Variants in CD9 observed in about 807,000 individuals in gnomAD.
CD9 encodes CD9 antigen.
A neutral mutation model predicts 31.4 loss-of-function variants in CD9; 10 were observed. That is an observed-to-expected ratio of 0.32 (90% confidence interval 0.20 to 0.54). CD9 has a LOEUF of 0.54. Among genes scored for constraint, CD9 ranks in the 20% least tolerant of loss-of-function variants. The pLI, the probability that CD9 is intolerant of heterozygous loss-of-function variation, is 0.94. For synonymous variants in CD9, 113 were observed against 114.1 expected (o/e 0.99, Z 0.06); for missense variants, 259 against 300.1 (o/e 0.86, Z 1.01).
At chr12:6,228,050 A>C (rs1426391369) in intron 2 of CD9, among the ~76,000 whole-genome samples, 1 of 152,216 alleles carries the variant, frequency 6.6e-6, no homozygotes, top group African/African-American at 2.4e-5. Flanking sequence ...GGTGATTTGA[A>C]GGCACAACCC....
At chr12:6,234,782 G>A (rs1360235359) in intron 4 of CD9, among the ~76,000 whole-genome samples, 1 of 152,232 alleles carries the variant, frequency 6.6e-6, no homozygotes, top group Non-Finnish European at 1.5e-5. Flanking sequence ...TAATCTATGA[G>A]CTGTAGGGAC....
intron 6 of CD9, 190 bp downstream of exon 6, chr12:6,235,755 C>T (rs1465105037): frequency 2.0e-5 from 28 of 1,407,080 alleles, no homozygotes; most frequent in African/African-American, 1.9e-4. Context: ...AAACAAAGGC[C>T]GGACCAGGGG....
At chr12:6,222,830 G>T (rs1946309566) in intron 1 of CD9, among the ~76,000 whole-genome samples, 1 of 152,228 alleles carries the variant, frequency 6.6e-6, no homozygotes, top group Non-Finnish European at 1.5e-5. Context: ...AGAGGCTGCT[G>T]TGCAGAGCGT....
chr12:6,218,136 A>C (rs1946260179), intron 1 of CD9, among the ~76,000 whole-genome samples: 1 of 151,946 alleles, frequency 6.6e-6, no homozygotes, highest in Non-Finnish European at 1.5e-5. Context: ...CTGAGGTGGG[A>C]GGATCATCTG....
At chr12:6,230,846 C>T (rs768998926) in intron 2 of CD9, among the ~76,000 whole-genome samples, 12 of 152,236 alleles carry the variant, frequency 7.9e-5, no homozygotes, top group Non-Finnish European at 1.6e-4. Context: ...CATATTCTTG[C>T]AACATGGGGT....
At chr12:6,224,020 T>C (rs1946329354) in intron 1 of CD9, among the ~76,000 whole-genome samples, 2 of 152,130 alleles carry the variant, frequency 1.3e-5, no homozygotes, top group Admixed American at 1.3e-4. Context: ...CGTCGTACAG[T>C]CCTTACCAAT....
At chr12:6,230,568 A>C (rs369221221) in intron 2 of CD9, among the ~76,000 whole-genome samples, 7 of 152,238 alleles carry the variant, frequency 4.6e-5, no homozygotes, top group Non-Finnish European at 8.8e-5. Context: ...AGCCCCTGCT[A>C]TGGAGCTCAA....
At chr12:6,217,812 T>C (rs573467971) in intron 1 of CD9, among the ~76,000 whole-genome samples, 2 of 152,336 alleles carry the variant, frequency 1.3e-5, no homozygotes, top group African/African-American at 2.4e-5. Flanking sequence ...GTGGTAGATA[T>C]GGCCACCTCA....
At chr12:6,209,017 G>C (rs930007486) in intron 1 of CD9, among the ~76,000 whole-genome samples, 2 of 151,972 alleles carry the variant, frequency 1.3e-5, no homozygotes, top group African/African-American at 4.8e-5. Context: ...CACCCAGGCT[G>C]GAGTGCAGTG....
At chr12:6,219,105 AAGTG>A (rs1946268599) in intron 1 of CD9, among the ~76,000 whole-genome samples, 1 of 152,064 alleles carries the variant, frequency 6.6e-6, no homozygotes, top group African/African-American at 2.4e-5. Flanking sequence ...TCCCGGGTTC[AAGTG>A]ATTCTCCTGC....
chr12:6,221,691 T>C (rs1166098417), intron 1 of CD9, among the ~76,000 whole-genome samples: 2 of 151,426 alleles, frequency 1.3e-5, no homozygotes, highest in Non-Finnish European at 2.9e-5. Flanking sequence ...TTAAAGTAGC[T>C]GAAGCTGGGC....
intron 1 of CD9, among the ~76,000 whole-genome samples, chr12:6,209,977 G>T (rs114018238): frequency 6.6e-6 from 1 of 152,188 alleles, no homozygotes; most frequent in Non-Finnish European, 1.5e-5. Flanking sequence ...GAGTCACCGC[G>T]CCCAGCTGGG....
At chr12:6,212,185 G>C (rs370520184) in intron 1 of CD9, among the ~76,000 whole-genome samples, 1 of 152,162 alleles carries the variant, frequency 6.6e-6, no homozygotes, top group African/African-American at 2.4e-5. Flanking sequence ...GCTGTGCACC[G>C]TCAGAGGAAG....
chr12:6,223,988 T>C (rs1946328676), intron 1 of CD9, among the ~76,000 whole-genome samples: 1 of 152,196 alleles, frequency 6.6e-6, no homozygotes, highest in African/African-American at 2.4e-5. Context: ...TCCTCTGCCT[T>C]GTCCAGCCGC....
At chr12:6,201,153 C>T (rs926070395) in intron 1 of CD9, among the ~76,000 whole-genome samples, 7 of 152,316 alleles carry the variant, frequency 4.6e-5, no homozygotes, top group African/African-American at 1.7e-4. Flanking sequence ...TCGGGGGCCC[C>T]TCCACCCTTG....
At chr12:6,217,297 G>A (rs1394853097) in intron 1 of CD9, among the ~76,000 whole-genome samples, 1 of 152,142 alleles carries the variant, frequency 6.6e-6, no homozygotes, top group Non-Finnish European at 1.5e-5. Context: ...CAAGGTGGGT[G>A]GATTGCTTGA....
chr12:6,218,914 C>T (rs1173821695), intron 1 of CD9, among the ~76,000 whole-genome samples: 1 of 152,110 alleles, frequency 6.6e-6, no homozygotes, highest in African/African-American at 2.4e-5. Flanking sequence ...GTTCGTCAAA[C>T]ATAAGAGTGT....
At chr12:6,237,136 T>C (rs933639596) in intron 7 of CD9, among the ~76,000 whole-genome samples, 1 of 152,066 alleles carries the variant, frequency 6.6e-6, no homozygotes, top group African/African-American at 2.4e-5. Context: ...TGTGCCACCA[T>C]GCCCAGCTGA....
At chr12:6,203,035 T>G (rs1946093622) in intron 1 of CD9, among the ~76,000 whole-genome samples, 1 of 152,202 alleles carries the variant, frequency 6.6e-6, no homozygotes, top group Admixed American at 6.5e-5. Context: ...GGAGATGATG[T>G]AATGAAAAGG....
Sources: gnomAD v4.1 joint callset for allele counts (sites outside exome capture counted in the v4.1 genomes callset) on GRCh38, gnomAD v4.1.1 for gene constraint, MANE v1.5 for transcripts, NCBI Gene and HGNC (gene_info 2026-07-23, HGNC 2026-07-21) for gene names.